PRKAB1: variants seen among roughly 807,000 people sequenced by gnomAD.
PRKAB1 encodes protein kinase AMP-activated non-catalytic subunit beta 1, also known as 5'-AMP-activated protein kinase subunit beta-1.
Under a neutral mutation model 32.0 loss-of-function variants are expected in PRKAB1, and 18 were observed. The observed-to-expected ratio is 0.56, with a 90% CI of 0.39 to 0.83. The LOEUF (loss-of-function observed/expected upper bound fraction) is 0.83, where lower values mean the gene tolerates loss of function less well. PRKAB1 is among the 40% of genes least tolerant of loss of function. The pLI is 0.00. For synonymous variants in PRKAB1, 141 were observed against 141.4 expected, an observed-to-expected ratio of 1.00 and a Z score of 0.02; for missense variants, 263 against 352.6, an observed-to-expected ratio of 0.75 and a Z score of 2.03.
Position 119,679,917 on chromosome 12 carries a change from C to T in PRKAB1, c.667-16C>T, listed in dbSNP as rs762631595. 11 of 1,613,466 alleles carry T rather than the reference C, an allele frequency of 6.8e-6. No homozygotes were observed. The highest frequency in any genetic ancestry group is 8.5e-6 in the Non-Finnish European group (10 of 1,179,500). ...CCAAATCCCAAATGCTCACCGCTGC[C>T]TTTGTTCCCTCACAGTGTGATCCAG... On this transcript the variant is annotated splice_polypyrimidine_tract_variant and intron_variant, in intron 5 of 6. Coordinates refer to ENST00000229328, the MANE Select transcript of PRKAB1 (RefSeq NM_006253.5). This position sits in a 1 kb window ranked among gnomAD's most constrained non-coding sequence, Gnocchi z 4.1.
intron 1 of PRKAB1, chr12:119,671,617 TCCA>T (rs1046309161): frequency 3.5e-6 from 1 of 283,490 alleles, no homozygotes; most frequent in Non-Finnish European, 7.4e-6. Flanking sequence ...GATCGATACC[TCCA>T]CCTGGTCCTG....
At chr12:119,668,619 G>A (rs2136847858) in intron 1 of PRKAB1, among the ~76,000 whole-genome samples, 2 of 152,352 alleles carry the variant, frequency 1.3e-5, no homozygotes, top group Admixed American at 1.3e-4. Flanking sequence ...CACCCTGAGG[G>A]AGGAGGTGCT....
rs781002487 is a variant in PRKAB1, at chr12:119,674,041, C to T, written c.401C>T (p.Thr134Met). Reference sequence around the variant, plus strand: ...AAGTTCTTTGTGGATGGTCAGTGGACGCACGACCCTTCCGAGGTACTCTTC... The same window carrying T: ...AAGTTCTTTGTGGATGGTCAGTGGATGCACGACCCTTCCGAGGTACTCTTC... ...QYKFFVDGQW[T>M]HDPSEPIVTS... Residue 134 changes from threonine (T) to methionine (M), a missense_variant, in exon 3 of 7, where the codon ACG (threonine) becomes ATG (methionine). By Grantham distance (81) the Thr-to-Met change is moderately conservative. Coordinates refer to ENST00000229328, the MANE Select transcript of PRKAB1 (RefSeq NM_006253.5). The surrounding 1 kb of genome is among the most constrained non-coding windows in gnomAD (Gnocchi z 4.3). 98 of 1,613,790 alleles carry T rather than the reference C, an allele frequency of 6.1e-5. No individual in the cohort carries two copies. The highest frequency in any genetic ancestry group is 1.1e-4 in the East Asian group (5 of 44,890).
At chr12:119,678,524 A>AC (rs766397422) in intron 5 of PRKAB1, 1 of 151,882 alleles carries the variant, frequency 6.6e-6, no homozygotes, top group African/African-American at 2.4e-5. Flanking sequence ...GCATCTCCCT[A>AC]CCCCCACCAC....
rs772565745 is a variant in PRKAB1 at position 119,674,379 on chromosome 12, A to T, written c.457A>T (p.Ile153Phe). ...TSQLGTVNNIIQVKKTDFEVF... is the reference protein window; with the variant it reads ...TSQLGTVNNIFQVKKTDFEVF... ...CCAGCTTGGCACAGTTAACAACATC[A>T]TTCAAGTGAAGAAAACTGACTTTGA... Residue 153 changes from isoleucine (I) to phenylalanine (F), a missense_variant, in exon 4 of 7, where the codon ATT (isoleucine) becomes TTT (phenylalanine). Transcript: ENST00000229328. The surrounding 1 kb of genome is among the most constrained non-coding windows in gnomAD (Gnocchi z 4.3). 2 of 1,614,196 alleles carry T rather than the reference A, an allele frequency of 1.2e-6. No individual in the cohort carries two copies. Among genetic ancestry groups the T allele is most frequent in the South Asian group, 2.2e-5 (2 of 91,086 alleles).
At chr12:119,675,003 C>A (rs1457324742) in intron 4 of PRKAB1, among the ~76,000 whole-genome samples, 1 of 152,234 alleles carries the variant, frequency 6.6e-6, no homozygotes, top group African/African-American at 2.4e-5. Context: ...AATACAGACC[C>A]AGTAAAACTT....
intron 5 of PRKAB1, among the ~76,000 whole-genome samples, chr12:119,677,092 G>T (rs115655622): frequency 6.6e-6 from 1 of 152,148 alleles, no homozygotes; most frequent in Non-Finnish European, 1.5e-5. Flanking sequence ...TTTCTCCTCC[G>T]GGAAATTATT....
intron 6 of PRKAB1, 45 bp from the exon 7 acceptor site, chr12:119,680,203 G>C (rs1239201695): frequency 6.3e-6 from 10 of 1,583,218 alleles, no homozygotes; most frequent in Non-Finnish European, 7.8e-6. Context: ...TCTGAGGCTT[G>C]AGCCCCTTAG....
In PRKAB1 at chr12:119,681,565, C is replaced by G. The variant is rs376508928; in HGVS notation, c.*1240C>G. 2.0e-5 allele frequency: 3 copies of G among 152,168 alleles called. No homozygotes were observed. The East Asian group carries it at 5.8e-4, about 29-fold the overall frequency. The allele number at this position is 152,168 out of a possible 1,614,324, so 9.4% of individuals were successfully genotyped here. A position where few individuals can be genotyped will look rare whatever the true frequency, so the allele number is the denominator to read the frequency against. On this transcript the variant is annotated 3_prime_UTR_variant, in exon 7 of 7. Coordinates refer to ENST00000229328, the MANE Select transcript of PRKAB1 (RefSeq NM_006253.5). ...TACCCTTTTTTGTGACTTTTCAAAA[C>G]AGTGAATTACTGTCACCTTGATGGA...
rs1370111921 is a variant in PRKAB1 at position 119,680,437 on chromosome 12, AGAC to A, written c.*113_*115del. ...CATTGCTCATTTCACACTCTTCAGA[AGAC>A]ATTTCATACCTGCCCTGGTCCTGCT... On this transcript the variant is annotated 3_prime_UTR_variant, in exon 7 of 7. Coordinates refer to ENST00000229328, the MANE Select transcript of PRKAB1 (RefSeq NM_006253.5). 33 of 1,122,770 alleles carry A rather than the reference AGAC, an allele frequency of 2.9e-5. No individual in the cohort carries two copies. In the African/African-American group the frequency reaches 4.3e-4, roughly 15 times the overall value. 69.6% of individuals were successfully genotyped at this position (1,122,770 alleles called of 1,614,324 possible).
Position 119,679,570 on chromosome 12 carries a change from C to G in PRKAB1, c.667-363C>G. ...AAGTTTTGAATCCATTGCTCAGGAG[C>G]GTTTAGTGCAGATGGTCTCTTCCTG... On this transcript the variant is annotated intron_variant, in intron 5 of 6. Transcript: ENST00000229328. The surrounding 1 kb of genome is among the most constrained non-coding windows in gnomAD (Gnocchi z 4.1). 3.5e-6 allele frequency: 1 copy of G among 287,988 alleles called. No individual in the cohort carries two copies. Among genetic ancestry groups the G allele is most frequent in the South Asian group, 3.5e-5 (1 of 28,488 alleles). 17.8% of individuals were successfully genotyped at this position (287,988 alleles called of 1,614,324 possible).
rs1291565411 is a variant in PRKAB1, at chr12:119,668,176, C to T, written c.-69C>T. On this transcript the variant is annotated 5_prime_UTR_variant, in exon 1 of 7. Coordinates refer to ENST00000229328, the MANE Select transcript of PRKAB1 (RefSeq NM_006253.5). ...CTTGGGACCCGCGGTTCCGGGAGTC[C>T]CTTGCTCAGGGTCCCTTTCCTGCAG... 3.5e-6 allele frequency: 5 copies of T among 1,442,776 alleles called. No individual in the cohort carries two copies. The highest frequency in any genetic ancestry group is 1.5e-5 in the African/African-American group (1 of 67,342). 89.4% of individuals were successfully genotyped at this position (1,442,776 alleles called of 1,614,324 possible).
At position 119,680,419 on chromosome 12, in the gene PRKAB1, C is replaced by A; in HGVS notation, c.*94C>A. On this transcript the variant is annotated 3_prime_UTR_variant, in exon 7 of 7. Transcript: ENST00000229328. Reference sequence around the variant, plus strand: ...AAGAGGGAATGGACTGTACATTGCTCATTTCACACTCTTCAGAAGACATTT... The same window carrying A: ...AAGAGGGAATGGACTGTACATTGCTAATTTCACACTCTTCAGAAGACATTT... 1 of 1,247,638 alleles carries A rather than the reference C, an allele frequency of 8.0e-7. No individual in the cohort carries two copies. The highest frequency in any genetic ancestry group is 1.2e-6 in the Non-Finnish European group (1 of 866,252). 77.3% of individuals were successfully genotyped at this position (1,247,638 alleles called of 1,614,324 possible).
chr12:119,675,417 G>T (rs1018990985), intron 4 of PRKAB1, among the ~76,000 whole-genome samples: 2 of 152,106 alleles, frequency 1.3e-5, no homozygotes, highest in Non-Finnish European at 2.9e-5. Flanking sequence ...CTTTTATCTG[G>T]GTAATTAGTC....
chr12:119,670,619 G>A (rs1955380322), intron 1 of PRKAB1, among the ~76,000 whole-genome samples: 1 of 152,194 alleles, frequency 6.6e-6, no homozygotes, highest in African/African-American at 2.4e-5. Context: ...TTCTTCAGAA[G>A]TATTTGTTCT....
chr12:119,670,138 C>T (rs1030430341), intron 1 of PRKAB1, among the ~76,000 whole-genome samples: 10 of 152,202 alleles, frequency 6.6e-5, no homozygotes, highest in African/African-American at 2.2e-4. Flanking sequence ...TGGATATTTC[C>T]AGCCGCAGGG....
chr12:119,672,976 C>A (rs571351561), intron 2 of PRKAB1, among the ~76,000 whole-genome samples: 1 of 152,244 alleles, frequency 6.6e-6, no homozygotes, highest in African/African-American at 2.4e-5. Context: ...TGCCTATGAT[C>A]TCAGCACTTT....
intron 1 of PRKAB1, chr12:119,671,478 AAGGCACCTCTTCACAGGAC>A: frequency 4.7e-6 from 2 of 421,240 alleles, no homozygotes; most frequent in South Asian, 1.7e-5. Context: ...ATCATGGTAA[AAGGCACCTCTTCACAGGAC>A]GGCAGAAGAG....
chr12:119,674,065 TC>T lies in PRKAB1; in HGVS notation c.417+10del. 6.2e-7 allele frequency: 1 copy of T among 1,611,184 alleles called. No homozygotes were observed. The highest frequency in any genetic ancestry group is 8.5e-7 in the Non-Finnish European group (1 of 1,178,022). On this transcript the variant is annotated intron_variant, in intron 3 of 6. Coordinates refer to ENST00000229328, the MANE Select transcript of PRKAB1 (RefSeq NM_006253.5). The surrounding 1 kb of genome is among the most constrained non-coding windows in gnomAD (Gnocchi z 4.3). ...ACGCACGACCCTTCCGAGGTACTCT[TC>T]CTCCCACCTCTGGTCCTCTGGGTGC...
Sources: gnomAD v4.1 joint callset for allele counts (sites outside exome capture counted in the v4.1 genomes callset) on GRCh38, gnomAD v4.1.1 for gene constraint, Gnocchi (gnomAD v3.1) non-coding constraint, MANE v1.5 for transcripts, NCBI Gene and HGNC (gene_info 2026-07-23, HGNC 2026-07-21) for gene names.